GRIK2: variants seen among roughly 807,000 people sequenced by gnomAD.
GRIK2 encodes glutamate receptor ionotropic, kainate 2.
In GRIK2, 32 loss-of-function variants were observed where a neutral mutation model predicts 100.3. The observed-to-expected ratio is 0.32, with a 90% CI of 0.24 to 0.43. The LOEUF is 0.43. Ranked by LOEUF, GRIK2 falls within the 20% of genes least tolerant of loss-of-function variation. GRIK2 has a pLI of 1.00. For missense variants in GRIK2, 843 were observed against 1,114.9 expected, an observed-to-expected ratio of 0.76 and a Z score of 3.47; for synonymous variants, 417 against 389.4, an observed-to-expected ratio of 1.07 and a Z score of -0.83.
rs115418506 is a variant in GRIK2, at chr6:101,580,847, A to G, written c.116-41102A>G. Among the ~76,000 whole-genome samples, 666 of 151,558 alleles carry G rather than the reference A, an allele frequency of 4.4e-3. 5 individuals carry two copies. The highest frequency in any genetic ancestry group is 0.015 in the African/African-American group (625 of 41,298). On this transcript the variant is annotated intron_variant, in intron 2 of 16. Coordinates refer to ENST00000369134, the MANE Select transcript of GRIK2 (RefSeq NM_021956.5). ...CAGTTATCTGCATAGTTCCCTCTCA[A>G]TTCCCCTCATCTATGCCTATTCTCC...
intron 4 of GRIK2, among the ~76,000 whole-genome samples, chr6:101,639,980 A>G (rs1292419073): frequency 6.6e-6 from 1 of 152,200 alleles, no homozygotes; most frequent in Non-Finnish European, 1.5e-5. Flanking sequence ...ACAAAGCCTA[A>G]CATATACCTC....
intron 2 of GRIK2, among the ~76,000 whole-genome samples, chr6:101,549,993 C>A (rs1776429707): frequency 6.6e-6 from 1 of 152,198 alleles, no homozygotes; most frequent in South Asian, 2.1e-4. Flanking sequence ...CATCACACCA[C>A]CTCCTTTTGT....
chr6:101,683,441 C>T (rs1582953542), intron 6 of GRIK2, among the ~76,000 whole-genome samples: 1 of 152,060 alleles, frequency 6.6e-6, no homozygotes, highest in Non-Finnish European at 1.5e-5. Context: ...CACAATTTTC[C>T]CTTATAATGT....
intron 11 of GRIK2, among the ~76,000 whole-genome samples, chr6:101,881,837 A>G (rs1786269968): frequency 6.6e-6 from 1 of 152,090 alleles, no homozygotes; most frequent in Non-Finnish European, 1.5e-5. Context: ...TGGGTGACAG[A>G]GCAAGACCCT....
chr6:101,783,090 C>A (rs966047924), intron 7 of GRIK2, among the ~76,000 whole-genome samples: 1 of 152,004 alleles, frequency 6.6e-6, no homozygotes, highest in Non-Finnish European at 1.5e-5. Context: ...GATCTCCTGA[C>A]CTTGTGATCC....
chr6:101,429,674 G>C (rs139837508), intron 2 of GRIK2, among the ~76,000 whole-genome samples: 1,682 of 151,970 alleles, frequency 0.011, 10 homozygotes, highest in Middle Eastern at 0.02. Context: ...AATGGAGAGG[G>C]TTTTTTTCTT....
chr6:101,832,254 CTT>C lies in GRIK2; in HGVS notation c.1317+13774_1317+13775del, dbSNP rs1446866875. Among the ~76,000 whole-genome samples, 14 of 152,100 alleles carry C rather than the reference CTT, an allele frequency of 9.2e-5. 1 individual carries two copies. In the South Asian group the frequency reaches 1.0e-3, roughly 11 times the overall value. On this transcript the variant is annotated intron_variant, in intron 10 of 16. Coordinates refer to ENST00000369134, the MANE Select transcript of GRIK2 (RefSeq NM_021956.5). The stretch of plus-strand genomic sequence containing the variant: ...TTCTAATCTTGATAAATTTGAAACT[CTT>C]TTAAAAATTGTTTTACAGTTATAAG...
chr6:101,674,106 T>C (rs6904687), intron 4 of GRIK2, among the ~76,000 whole-genome samples: 113,361 of 152,050 alleles, frequency 0.75, 42,619 homozygotes, highest in African/African-American at 0.78. Flanking sequence ...TATTGTCCTG[T>C]TAGTATAATA....
At chr6:101,593,825 G>A (rs1014325607) in intron 2 of GRIK2, among the ~76,000 whole-genome samples, 2 of 151,714 alleles carry the variant, frequency 1.3e-5, no homozygotes, top group African/African-American at 4.8e-5. Context: ...ATCACATCTG[G>A]GGGATATTTC....
intron 4 of GRIK2, among the ~76,000 whole-genome samples, chr6:101,659,868 G>C (rs1769478083): frequency 6.6e-6 from 1 of 152,074 alleles, no homozygotes; most frequent in Admixed American, 6.6e-5. Flanking sequence ...TTCCTTTGTG[G>C]GTAACCAGAT....
intron 2 of GRIK2, among the ~76,000 whole-genome samples, chr6:101,442,505 C>A (rs1011330590): frequency 1.3e-5 from 2 of 152,064 alleles, no homozygotes; most frequent in African/African-American, 2.4e-5. Flanking sequence ...TTAATACTTG[C>A]CTGACATGCT....
Position 101,650,423 on chromosome 6 carries a change from T to A in GRIK2, c.541+23786T>A, listed in dbSNP as rs375667525. On this transcript the variant is annotated intron_variant, in intron 4 of 16. Transcript: ENST00000369134. Reference sequence around the variant, plus strand: ...AACCACCTCCTTTTCAGTTTAAGTCTCCAAATTCCCCTGTCAAAGAATACT... The same window carrying A: ...AACCACCTCCTTTTCAGTTTAAGTCACCAAATTCCCCTGTCAAAGAATACT... Among the ~76,000 whole-genome samples the A allele has an allele frequency of 1.1e-4, 16 of 152,160 alleles. No individual in the cohort carries two copies. In the South Asian group the frequency reaches 1.7e-3, roughly 16 times the overall value.
rs1402814308 is a variant in GRIK2 at position 101,928,484 on chromosome 6, T to C, written c.1937T>C (p.Ile646Thr). Residue 646 changes from isoleucine (I) to threonine (T), a missense_variant, in exon 14 of 17, where the codon ATC becomes ACC. By Grantham distance (89) the Ile-to-Thr change is moderately conservative. Coordinates refer to ENST00000369134, the MANE Select transcript of GRIK2 (RefSeq NM_021956.5). ...VGGIWWFFTLIIISSYTANLA... is the reference protein window; with the variant it reads ...VGGIWWFFTLTIISSYTANLA... ...GGCATTTGGTGGTTTTTCACACTTA[T>C]CATCATTTCTTCGTATACTGCTAAC... 1.9e-6 allele frequency: 3 copies of C among 1,609,156 alleles called. No homozygotes were observed. Among genetic ancestry groups the C allele is most frequent in the Non-Finnish European group, 2.6e-6 (3 of 1,175,564 alleles).
At chr6:101,725,431 G>T (rs1410158677) in intron 7 of GRIK2, among the ~76,000 whole-genome samples, 4 of 151,964 alleles carry the variant, frequency 2.6e-5, no homozygotes, top group Admixed American at 6.6e-5. Context: ...TATAGTAGAA[G>T]AAGATATTAT....
At chr6:101,834,468 A>G (rs1289871255) in intron 10 of GRIK2, among the ~76,000 whole-genome samples, 1 of 152,058 alleles carries the variant, frequency 6.6e-6, no homozygotes, top group African/African-American at 2.4e-5. Context: ...ACTTAGTGGT[A>G]AGTTCATATG....
chr6:101,718,042 A>G (rs536338918), intron 7 of GRIK2, among the ~76,000 whole-genome samples: 6 of 151,928 alleles, frequency 3.9e-5, no homozygotes, highest in East Asian at 3.9e-4. Flanking sequence ...TTTGCCAGGT[A>G]TTATACTCTT....
intron 7 of GRIK2, among the ~76,000 whole-genome samples, chr6:101,699,642 T>C (rs1772741533): frequency 6.6e-6 from 1 of 152,124 alleles, no homozygotes; most frequent in African/African-American, 2.4e-5. Flanking sequence ...TTCCACTTTC[T>C]TTCTAGCAAC....
intron 14 of GRIK2, among the ~76,000 whole-genome samples, chr6:102,016,962 G>A (rs543439817): frequency 1.3e-5 from 2 of 152,196 alleles, no homozygotes; most frequent in African/African-American, 4.8e-5. Flanking sequence ...AGAGATTGGG[G>A]CCTCATATTC....
chr6:101,511,891 A>G (rs916380198), intron 2 of GRIK2, among the ~76,000 whole-genome samples: 6 of 152,014 alleles, frequency 3.9e-5, no homozygotes, highest in African/African-American at 1.2e-4. Context: ...TTTATAGAAC[A>G]ATTATTGGTA....
Sources: allele counts gnomAD v4.1 joint callset (sites outside exome capture counted in the v4.1 genomes callset), GRCh38; gene constraint gnomAD v4.1.1; transcripts MANE v1.5; gene names NCBI Gene and HGNC (gene_info 2026-07-23, HGNC 2026-07-21).